Variants in SMC1B observed in about 807,000 individuals in gnomAD.
The protein encoded by SMC1B is structural maintenance of chromosomes protein 1B.
Under a neutral mutation model 157.9 loss-of-function variants are expected in SMC1B, and 60 were observed. The ratio of observed to expected loss-of-function variants is 0.38; its 90% CI spans 0.31 to 0.47. The LOEUF (loss-of-function observed/expected upper bound fraction) is 0.47. Ranked by LOEUF, SMC1B falls within the 20% of genes least tolerant of loss-of-function variation. SMC1B has a pLI of 0.99. For missense variants in SMC1B, 1,165 were observed against 1,426.2 expected (o/e 0.82, Z 2.95); for synonymous variants, 445 against 483.0 (o/e 0.92, Z 1.03).
chr22:45,392,206 C>T (rs1026098470), intron 9 of SMC1B, among the ~76,000 whole-genome samples: 1 of 152,122 alleles, frequency 6.6e-6, no homozygotes, highest in Non-Finnish European at 1.5e-5. Context: ...ACTTCGGCCT[C>T]CCAAAGCGCT....
Position 45,402,498 on chromosome 22 carries a change from T to C in SMC1B, c.689A>G (p.His230Arg), listed in dbSNP as rs757698609. The change falls in exon 5 of 25, where the codon CAT (histidine) becomes CGT (arginine). Residue 230 changes from histidine (H) to arginine (R), a missense_variant. Transcript: ENST00000357450. ...KIQLQLFQLY[H>R]NEKKIHLLNT... ...CAGGAGATGAATCTTTTTCTCATTA[T>C]GGTATAGTTGAAAAAGCTGCAGTTG... is the stretch of plus-strand genomic sequence containing the variant. The C allele has an allele frequency of 6.2e-7, 1 of 1,613,888 alleles. No individual in the cohort carries two copies. The highest frequency in any genetic ancestry group is 1.3e-5 in the African/African-American group (1 of 74,922).
intron 23 of SMC1B, among the ~76,000 whole-genome samples, chr22:45,348,441 G>T (rs554782283): frequency 3.8e-4 from 58 of 152,218 alleles, no homozygotes; most frequent in African/African-American, 1.3e-3. Flanking sequence ...TAAATAAATA[G>T]ATATAAAAAC....
intron 5 of SMC1B, among the ~76,000 whole-genome samples, chr22:45,401,348 G>A (rs2087190807): frequency 6.6e-6 from 1 of 152,160 alleles, no homozygotes; most frequent in East Asian, 1.9e-4. Flanking sequence ...GGCTACAAAT[G>A]GGGTACATAA....
chr22:45,399,695 A>C (rs1007435123), intron 5 of SMC1B, among the ~76,000 whole-genome samples: 1 of 152,240 alleles, frequency 6.6e-6, no homozygotes, highest in East Asian at 1.9e-4. Context: ...TGTAGAATGC[A>C]ATAAAAAATC....
chr22:45,345,611 C>G (rs949135305), intron 23 of SMC1B, 42 bp from the exon 24 acceptor site: 1 of 1,245,780 alleles, frequency 8.0e-7, no homozygotes, highest in African/African-American at 1.5e-5. Flanking sequence ...GAAGGAAAGG[C>G]CTTGTCTGGG....
chr22:45,354,699 G>T (rs1031427836), intron 20 of SMC1B, among the ~76,000 whole-genome samples: 1 of 152,034 alleles, frequency 6.6e-6, no homozygotes. Context: ...CCTGATAAGA[G>T]TATTTATTAT....
In SMC1B at chr22:45,404,504, T is replaced by C. The variant is rs114408460; in HGVS notation, c.616-1933A>G. On this transcript the variant is annotated intron_variant, in intron 4 of 24. Transcript: ENST00000357450. ...GAGTCCCATACCTTTTCAAGTCTGATAAGAAACATTTACAATGTATTCTCT... is the reference window on the plus strand; with the variant it reads ...GAGTCCCATACCTTTTCAAGTCTGACAAGAAACATTTACAATGTATTCTCT... Among the ~76,000 whole-genome samples the C allele has an allele frequency of 7.4e-3, 1,132 of 152,330 alleles. 17 individuals are homozygous for C. The highest frequency in any genetic ancestry group is 0.026 in the African/African-American group (1,075 of 41,572).
intron 12 of SMC1B, among the ~76,000 whole-genome samples, chr22:45,381,055 C>CA (rs1229012986): frequency 6.6e-6 from 1 of 151,890 alleles, no homozygotes; most frequent in Non-Finnish European, 1.5e-5. Context: ...CTTGGCCTCC[C>CA]AAAATGCTGG....
At chr22:45,382,157 A>G (rs2086942579) in intron 12 of SMC1B, among the ~76,000 whole-genome samples, 1 of 152,216 alleles carries the variant, frequency 6.6e-6, no homozygotes, top group African/African-American at 2.4e-5. Flanking sequence ...GATCTTCAGA[A>G]AGAATTTGGT....
intron 12 of SMC1B, among the ~76,000 whole-genome samples, chr22:45,379,601 T>C (rs1239548913): frequency 3.9e-5 from 6 of 152,196 alleles, no homozygotes; most frequent in African/African-American, 1.4e-4. Flanking sequence ...TTGGAACACA[T>C]TGACCTTTCT....
intron 11 of SMC1B, among the ~76,000 whole-genome samples, chr22:45,384,981 G>GT (rs1276367477): frequency 6.6e-6 from 1 of 152,008 alleles, no homozygotes; most frequent in African/African-American, 2.4e-5. Context: ...TTCTGGGTCT[G>GT]TTTTTTGCTT....
intron 19 of SMC1B, among the ~76,000 whole-genome samples, chr22:45,355,791 C>T (rs1026995705): frequency 4.6e-5 from 7 of 152,120 alleles, no homozygotes; most frequent in Non-Finnish European, 7.3e-5. Context: ...AAAAGTAGGC[C>T]GTGTGTGGTG....
At position 45,399,212 on chromosome 22, in the gene SMC1B, A is replaced by G. The variant is rs1036118274; in HGVS notation, c.996T>C (p.Asp332=). The G allele has an allele frequency of 7.4e-6, 12 of 1,614,074 alleles. No individual in the cohort carries two copies. The highest frequency in any genetic ancestry group is 1.0e-5 in the Non-Finnish European group (12 of 1,179,988). Residue 332 remains aspartate, a synonymous_variant, in exon 6 of 25, where the codon GAT becomes GAC. Transcript: ENST00000357450. ...SEKQCSKQED[D]IKALETELAD... ...CCAGCTCTGTCTCCAGGGCTTTTAT[A>G]TCATCTTCCTGTTTAGAACATTGTT...
At chr22:45,400,853 T>G (rs924328213) in intron 5 of SMC1B, among the ~76,000 whole-genome samples, 1 of 152,226 alleles carries the variant, frequency 6.6e-6, no homozygotes, top group African/African-American at 2.4e-5. Context: ...AAGGACATTT[T>G]ACTTCTGTGG....
intron 23 of SMC1B, among the ~76,000 whole-genome samples, chr22:45,347,406 C>T (rs1308646119): frequency 6.6e-6 from 1 of 152,136 alleles, no homozygotes; most frequent in Non-Finnish European, 1.5e-5. Context: ...TCAAAGACTA[C>T]ATTCATGCCA....
chr22:45,404,848 C>T (rs926209635), intron 4 of SMC1B, among the ~76,000 whole-genome samples: 1 of 152,176 alleles, frequency 6.6e-6, no homozygotes, highest in African/African-American at 2.4e-5. Context: ...GTGTCACAGG[C>T]CATGGTCACT....
chr22:45,353,892 C>CT, intron 21 of SMC1B, 86 bp downstream of exon 21: 5 of 430,330 alleles, frequency 1.2e-5, no homozygotes, highest in South Asian at 1.1e-4. Flanking sequence ...TTATTTCCCA[C>CT]CAAAAAAAAA....
intron 14 of SMC1B, among the ~76,000 whole-genome samples, chr22:45,370,605 G>A (rs136567): frequency 0.13 from 20,520 of 152,158 alleles, 1,450 homozygotes; most frequent in South Asian, 0.24. Context: ...AAAACTTTCA[G>A]ATTTTAGTTG....
rs772623513 is a variant in SMC1B at position 45,369,934 on chromosome 22, A to G, written c.2420+20T>C. On this transcript the variant is annotated intron_variant, in intron 15 of 24. Transcript: ENST00000357450. ...TTATAAATATGTAAGCTCCTTACCA[A>G]CATCTTTTTATAAAAATACCTTTTT... 2 of 1,322,848 alleles carry G rather than the reference A, an allele frequency of 1.5e-6. No homozygotes were observed. The highest frequency in any genetic ancestry group is 2.1e-6 in the Non-Finnish European group (2 of 934,582). The allele number at this position is 1,322,848 out of a possible 1,614,324, so 81.9% of individuals were successfully genotyped here.
Sources: gnomAD v4.1 joint callset for allele counts (sites outside exome capture counted in the v4.1 genomes callset) on GRCh38, gnomAD v4.1.1 for gene constraint, MANE v1.5 for transcripts, NCBI Gene and HGNC (gene_info 2026-07-23, HGNC 2026-07-21) for gene names.